The following EIF4G3 variants were observed in gnomAD, a reference collection of about 807,000 sequenced individuals.
EIF4G3 encodes the protein eIF-4-gamma 3.
A neutral mutation model predicts 186.4 loss-of-function variants in EIF4G3; 34 were observed. That is an observed-to-expected ratio of 0.18 (90% CI 0.14 to 0.24). The LOEUF (loss-of-function observed/expected upper bound fraction) is 0.24, where lower values mean the gene tolerates loss of function less well. Ranked by LOEUF, EIF4G3 falls within the 10% of genes least tolerant of loss-of-function variation. The pLI is 1.00. For synonymous variants in EIF4G3, 673 were observed against 679.5 expected, an observed-to-expected ratio of 0.99 and a Z score of 0.15; for missense variants, 1,536 against 1,948.5, an observed-to-expected ratio of 0.79 and a Z score of 3.99.
At chr1:21,044,637 G>GTTTTT (rs11334476) in intron 4 of EIF4G3, among the ~76,000 whole-genome samples, 15 of 141,052 alleles carry the variant, frequency 1.1e-4, no homozygotes, top group African/African-American at 4.0e-4. Flanking sequence ...AACTTCATTC[G>GTTTTT]TTTTTTTTTT....
At chr1:21,165,168 G>A (rs1041675805) in intron 2 of EIF4G3, among the ~76,000 whole-genome samples, 1 of 152,118 alleles carries the variant, frequency 6.6e-6, no homozygotes, top group Non-Finnish European at 1.5e-5. Flanking sequence ...TAATCAAAAA[G>A]ACAAATAATG....
At chr1:20,984,823 C>T (rs919400272) in intron 7 of EIF4G3, among the ~76,000 whole-genome samples, 4 of 151,628 alleles carry the variant, frequency 2.6e-5, no homozygotes, top group Non-Finnish European at 5.9e-5. Context: ...CTCCTGACCT[C>T]GTGATCCGCC....
At chr1:21,137,815 C>CAAA (rs201685410) in intron 2 of EIF4G3, among the ~76,000 whole-genome samples, 4 of 103,166 alleles carry the variant, frequency 3.9e-5, no homozygotes, top group African/African-American at 1.6e-4. Context: ...GACCCTGTCT[C>CAAA]AAAAAAAAAA....
chr1:21,025,619 C>G (rs2091964024), intron 4 of EIF4G3, among the ~76,000 whole-genome samples: 1 of 152,242 alleles, frequency 6.6e-6, no homozygotes, highest in African/African-American at 2.4e-5. Flanking sequence ...ATTGACTTCA[C>G]TTCACATACC....
At chr1:20,883,074 C>A (rs539565387) in intron 19 of EIF4G3, among the ~76,000 whole-genome samples, 2 of 150,544 alleles carry the variant, frequency 1.3e-5, no homozygotes, top group African/African-American at 2.5e-5. Flanking sequence ...AGAGTGAAAC[C>A]CTGTCTCAAA....
At chr1:20,843,351 T>C (rs1183803169) in intron 29 of EIF4G3, among the ~76,000 whole-genome samples, 1 of 151,828 alleles carries the variant, frequency 6.6e-6, no homozygotes. Context: ...ACCCCGTGTC[T>C]ACCAAAAATA....
At chr1:20,856,891 G>A (rs1353800156) in intron 25 of EIF4G3, among the ~76,000 whole-genome samples, 3 of 152,030 alleles carry the variant, frequency 2.0e-5, no homozygotes, top group East Asian at 1.9e-4. Flanking sequence ...GGCCGGGCGC[G>A]GTGGCTCACG....
chr1:20,939,397 T>C (rs1431079274), intron 14 of EIF4G3, among the ~76,000 whole-genome samples: 1 of 152,208 alleles, frequency 6.6e-6, no homozygotes, highest in African/African-American at 2.4e-5. Context: ...GGTGCTGGTG[T>C]TCACAATACT....
chr1:21,130,381 C>T (rs999784150), intron 2 of EIF4G3, among the ~76,000 whole-genome samples: 3 of 151,870 alleles, frequency 2.0e-5, no homozygotes, highest in Admixed American at 6.6e-5. Context: ...CCCACCACCA[C>T]ACTCAGCTAA....
intron 21 of EIF4G3, 54 bp downstream of exon 21, chr1:20,865,062 C>T: frequency 6.3e-7 from 1 of 1,594,224 alleles, no homozygotes; most frequent in Non-Finnish European, 8.5e-7. Flanking sequence ...CCTGAAATTT[C>T]TACTTTACAG....
At chr1:21,108,844 A>G (rs1295336405) in intron 2 of EIF4G3, among the ~76,000 whole-genome samples, 1 of 138,902 alleles carries the variant, frequency 7.2e-6, no homozygotes, top group Non-Finnish European at 1.5e-5. Context: ...CAGAGGTCGC[A>G]GTGAGCTGAG....
rs1322697337 is a variant in EIF4G3 at position 21,176,246 on chromosome 1, CGCCGCCGCCGCCGCCGCCGCT to C, written c.-364_-344del. ...GGGGGACCGCTGCCGCCGCCGCCGC[CGCCGCCGCCGCCGCCGCCGCT>C]GCTGCCGCCGCCGGGTGAGGAGGCG... On this transcript the variant is annotated 5_prime_UTR_variant, in exon 2 of 37. Coordinates refer to ENST00000602326, the MANE Select transcript of EIF4G3 (RefSeq NM_001391906.1). 3.7e-5 allele frequency: 14 copies of C among 374,080 alleles called. No individual in the cohort carries two copies. The highest frequency in any genetic ancestry group is 6.3e-4 in the Middle Eastern group (1 of 1,586). The allele number at this position is 374,080 out of a possible 1,614,324, so 23.2% of individuals were successfully genotyped here.
intron 2 of EIF4G3, among the ~76,000 whole-genome samples, chr1:21,127,924 G>A (rs879854897): frequency 2.6e-5 from 4 of 152,178 alleles, no homozygotes; most frequent in Non-Finnish European, 5.9e-5. Context: ...GTTTCAGTGG[G>A]CAGGGCACGG....
chr1:20,895,330 A>G (rs761319750), intron 17 of EIF4G3, 38 bp downstream of exon 17: 5 of 1,594,946 alleles, frequency 3.1e-6, no homozygotes, highest in African/African-American at 1.3e-5. Flanking sequence ...ATCAGTTCCC[A>G]CCAAAAAGAA....
At chr1:20,965,584 A>G (rs1271125046) in intron 12 of EIF4G3, among the ~76,000 whole-genome samples, 1 of 73,784 alleles carries the variant, frequency 1.4e-5, no homozygotes, top group Non-Finnish European at 3.7e-5. Flanking sequence ...GAAATATGAT[A>G]ATAATAGCCT....
chr1:21,006,414 C>T (rs1484241394), intron 4 of EIF4G3, among the ~76,000 whole-genome samples: 1 of 152,154 alleles, frequency 6.6e-6, no homozygotes, highest in Non-Finnish European at 1.5e-5. Context: ...TCAAAGTCAT[C>T]CCAAATATTT....
intron 12 of EIF4G3, among the ~76,000 whole-genome samples, chr1:20,962,522 T>C (rs941569507): frequency 1.3e-5 from 2 of 152,176 alleles, no homozygotes; most frequent in African/African-American, 4.8e-5. Context: ...AAGCATATCT[T>C]GATATCAAAA....
At chr1:21,132,158 G>A (rs551133779) in intron 2 of EIF4G3, among the ~76,000 whole-genome samples, 2 of 151,986 alleles carry the variant, frequency 1.3e-5, no homozygotes, top group East Asian at 3.9e-4. Flanking sequence ...AATAAACATA[G>A]CCAAAGTGAT....
In EIF4G3 at chr1:20,851,270, T is replaced by C. The variant is rs1304414702; in HGVS notation, c.3760A>G (p.Thr1254Ala). 1.2e-6 allele frequency: 2 copies of C among 1,614,076 alleles called. No individual in the cohort carries two copies. The highest frequency in any genetic ancestry group is 2.7e-5 in the African/African-American group (2 of 74,930). ...RNSTEAERNK[T>A]RESAKPEISA... Reference sequence around the variant, plus strand: ...CCAAGTCTCTCACCTGACTCCCTTGTTTTATTTCGCTCAGCCTCAGTGCTG... The same window carrying C: ...CCAAGTCTCTCACCTGACTCCCTTGCTTTATTTCGCTCAGCCTCAGTGCTG... The change falls in exon 28 of 37, where the codon ACA becomes GCA. Residue 1254 changes from threonine (T) to alanine (A), a missense_variant. Coordinates refer to ENST00000602326, the MANE Select transcript of EIF4G3 (RefSeq NM_001391906.1).
Sources: gnomAD v4.1 joint callset for allele counts (sites outside exome capture counted in the v4.1 genomes callset) on GRCh38, gnomAD v4.1.1 for gene constraint, MANE v1.5 for transcripts, NCBI Gene and HGNC (gene_info 2026-07-23, HGNC 2026-07-21) for gene names.